Variants in ELP5 observed in about 807,000 individuals in gnomAD.
ELP5 encodes elongator complex protein 5.
ELP5 carries 34 observed loss-of-function variants against 33.4 expected under a neutral mutation model. That is an observed-to-expected ratio of 1.02 (90% CI 0.78 to 1.36). The LOEUF (loss-of-function observed/expected upper bound fraction) is 1.36. Among genes scored for constraint, ELP5 ranks in the 40% most tolerant of loss-of-function variants. The pLI, the probability that ELP5 is intolerant of heterozygous loss-of-function variation, is 0.00. For synonymous variants in ELP5, 161 were observed against 146.4 expected (o/e 1.10, Z -0.72); for missense variants, 373 against 371.7 (o/e 1.00, Z -0.03).
rs1387980655 is a variant in ELP5, at chr17:7,254,604, C to T, written c.210C>T (p.Phe70=). Residue 70 remains phenylalanine, a synonymous_variant, in exon 4 of 8, where the codon TTC becomes TTT. Coordinates refer to ENST00000396628, the MANE Select transcript of ELP5 (RefSeq NM_203414.3). ...INNRLVYHDF[F]RDPLNWSKTE... ...GCAGGCTGGTTTACCATGACTTCTT[C>T]AGAGACCCTCTCAACTGGTCAAAAA... The T allele has an allele frequency of 6.2e-7, 1 of 1,613,142 alleles. No individual in the cohort carries two copies. Among genetic ancestry groups the T allele is most frequent in the East Asian group, 2.2e-5 (1 of 44,856 alleles).
At position 7,252,298 on chromosome 17, in the gene ELP5, C is replaced by G. The variant is rs1013476903; in HGVS notation, c.-253C>G. 3.4e-6 allele frequency: 2 copies of G among 582,886 alleles called. No individual in the cohort carries two copies. The highest frequency in any genetic ancestry group is 6.2e-6 in the Non-Finnish European group (2 of 324,176). The allele number at this position is 582,886 out of a possible 1,614,324, so 36.1% of individuals were successfully genotyped here. A position where few individuals can be genotyped will look rare whatever the true frequency, so the allele number is the denominator to read the frequency against. On this transcript the variant is annotated 5_prime_UTR_variant, in exon 1 of 8. Transcript: ENST00000396628. ...TGACAACTGCCCCAACTGCTCTTCCCGCCCCGGTCACAGTGAAAATGTAGA... is the reference window on the plus strand; with the variant it reads ...TGACAACTGCCCCAACTGCTCTTCCGGCCCCGGTCACAGTGAAAATGTAGA...
intron 3 of ELP5, among the ~76,000 whole-genome samples, chr17:7,254,040 A>G (rs2072016031): frequency 2.2e-5 from 3 of 137,044 alleles, no homozygotes; most frequent in African/African-American, 8.4e-5. Flanking sequence ...AAGATAGAAA[A>G]GAGATATCTG....
chr17:7,254,862 C>A, intron 4 of ELP5, 59 bp downstream of exon 4: 1 of 1,460,332 alleles, frequency 6.8e-7, no homozygotes. Context: ...GGAGTGTGCC[C>A]CTTTTCCTTT....
In ELP5 at chr17:7,252,438, C is replaced by G; in HGVS notation, c.-113C>G. On this transcript the variant is annotated 5_prime_UTR_variant, in exon 1 of 8. Transcript: ENST00000396628. ...CCTCTCATTCCAGACTATGTTAGGT[C>G]TTAATGGTGGGAGGACGCCCGAGTG... 1 of 1,512,142 alleles carries G rather than the reference C, an allele frequency of 6.6e-7. No individual in the cohort carries two copies. Among genetic ancestry groups the G allele is most frequent in the Admixed American group, 1.8e-5 (1 of 54,734 alleles). The allele number at this position is 1,512,142 out of a possible 1,614,324, so 93.7% of individuals were successfully genotyped here.
intron 3 of ELP5, 102 bp from the exon 4 acceptor site, chr17:7,254,481 T>C (rs2072025913): frequency 7.8e-6 from 6 of 770,838 alleles, no homozygotes; most frequent in Non-Finnish European, 1.2e-5. Context: ...TTTAGGATAT[T>C]CATAAAAATT....
chr17:7,258,208 G>A (rs535106534), intron 5 of ELP5, among the ~76,000 whole-genome samples: 3 of 152,254 alleles, frequency 2.0e-5, no homozygotes, highest in African/African-American at 7.2e-5. Context: ...CAGCATTTTG[G>A]GAGGCCGAAG....
chr17:7,252,578 G>C lies in ELP5; in HGVS notation c.28G>C (p.Gly10Arg). Reference protein sequence around the residue: MLDSLLALGGLVLLRDSVEW... With the variant: MLDSLLALGRLVLLRDSVEW... ...GTTGGACTCGCTGTTGGCCTTGGGC[G>C]GCCTGGTGCTGCTTCGGGGTGAGAG... The change falls in exon 1 of 8, where the codon GGC becomes CGC. Residue 10 changes from glycine (G) to arginine (R), a missense_variant. Gly to Arg is a moderately radical substitution (Grantham distance 125, BLOSUM62 -2). Coordinates refer to ENST00000396628, the MANE Select transcript of ELP5 (RefSeq NM_203414.3). The C allele has an allele frequency of 6.2e-7, 1 of 1,613,190 alleles. No individual in the cohort carries two copies. Among genetic ancestry groups the C allele is most frequent in the Non-Finnish European group, 8.5e-7 (1 of 1,179,832 alleles).
At position 7,252,550 on chromosome 17, in the gene ELP5, G is replaced by A. The variant is rs139402582; in HGVS notation, c.-1G>A. The A allele has an allele frequency of 1.9e-6, 3 of 1,613,780 alleles. No homozygotes were observed. Among genetic ancestry groups the A allele is most frequent in the East Asian group, 2.2e-5 (1 of 44,870 alleles). On this transcript the variant is annotated 5_prime_UTR_variant, in exon 1 of 8. Transcript: ENST00000396628. Reference sequence around the variant, plus strand: ...GAGCAGGGACCGGACGCGAGTTGGAGATGTTGGACTCGCTGTTGGCCTTGG... The same window carrying A: ...GAGCAGGGACCGGACGCGAGTTGGAAATGTTGGACTCGCTGTTGGCCTTGG...
chr17:7,254,916 T>C, intron 4 of ELP5, 113 bp downstream of exon 4: 1 of 847,458 alleles, frequency 1.2e-6, no homozygotes. Context: ...AGACCTTTTT[T>C]CATTTTTTTG....
At chr17:7,257,502 C>G (rs1265978325) in intron 5 of ELP5, among the ~76,000 whole-genome samples, 1 of 149,000 alleles carries the variant, frequency 6.7e-6, no homozygotes, top group East Asian at 2.1e-4. Flanking sequence ...GCAATCATAA[C>G]TTACGGCAGC....
At chr17:7,253,969 C>G (rs1384453055) in intron 3 of ELP5, among the ~76,000 whole-genome samples, 2 of 151,304 alleles carry the variant, frequency 1.3e-5, no homozygotes, top group Non-Finnish European at 2.9e-5. Flanking sequence ...TGCACTCCAG[C>G]CTGGGCAACG....
At chr17:7,259,464 A>G (rs2072160847) in intron 7 of ELP5, 107 bp from the exon 8 acceptor site, 8 of 1,548,038 alleles carry the variant, frequency 5.2e-6, no homozygotes, top group Admixed American at 2.0e-5. Flanking sequence ...ATAAAATGAC[A>G]TGGAGGCCTA....
At chr17:7,259,374 G>C in intron 7 of ELP5, 197 bp from the exon 8 acceptor site, 4 of 1,412,840 alleles carry the variant, frequency 2.8e-6, no homozygotes, top group Non-Finnish European at 3.7e-6. Context: ...TTTATTAGGA[G>C]AGCAGTACAA....
rs1258355838 is a variant in ELP5 at position 7,252,312 on chromosome 17, T to TGAAAATGTAGACGG, written c.-237_-224dup. On this transcript the variant is annotated 5_prime_UTR_variant, in exon 1 of 8. The change creates a new upstream start codon in the 5' untranslated region. Coordinates refer to ENST00000396628, the MANE Select transcript of ELP5 (RefSeq NM_203414.3). Reference sequence around the variant, plus strand: ...ACTGCTCTTCCCGCCCCGGTCACAGTGAAAATGTAGACGGGGTCGTTGTCC... The same window carrying TGAAAATGTAGACGG: ...ACTGCTCTTCCCGCCCCGGTCACAGTGAAAATGTAGACGGGAAAATGTAGACGGGGTCGTTGTCC... The TGAAAATGTAGACGG allele has an allele frequency of 1.7e-6, 1 of 603,746 alleles. No homozygotes were observed. Among genetic ancestry groups the TGAAAATGTAGACGG allele is most frequent in the Non-Finnish European group, 3.0e-6 (1 of 338,040 alleles). The allele number at this position is 603,746 out of a possible 1,614,324, so 37.4% of individuals were successfully genotyped here.
chr17:7,254,011 A>G (rs1319923127), intron 3 of ELP5, among the ~76,000 whole-genome samples: 4 of 111,674 alleles, frequency 3.6e-5, no homozygotes, highest in South Asian at 3.0e-4. Flanking sequence ...AAAAAAAAAA[A>G]GCGGGCACTC....
Position 7,259,845 on chromosome 17 carries a change from A to C in ELP5, c.*160A>C. 3.1e-6 allele frequency: 4 copies of C among 1,311,162 alleles called. No homozygotes were observed. Among genetic ancestry groups the C allele is most frequent in the Non-Finnish European group, 4.1e-6 (4 of 971,770 alleles). 81.2% of individuals were successfully genotyped at this position (1,311,162 alleles called of 1,614,324 possible). Reference sequence around the variant, plus strand: ...CTTGTGAGCCAGGAAGCAGCGTCTCATCAGGACAGAAGGTAGGATGAAGAC... The same window carrying C: ...CTTGTGAGCCAGGAAGCAGCGTCTCCTCAGGACAGAAGGTAGGATGAAGAC... On this transcript the variant is annotated 3_prime_UTR_variant, in exon 8 of 8. Coordinates refer to ENST00000396628, the MANE Select transcript of ELP5 (RefSeq NM_203414.3).
Position 7,252,294 on chromosome 17 carries a change from T to A in ELP5, c.-257T>A, listed in dbSNP as rs1286555071. On this transcript the variant is annotated 5_prime_UTR_variant, in exon 1 of 8. Coordinates refer to ENST00000396628, the MANE Select transcript of ELP5 (RefSeq NM_203414.3). ...CCACTGACAACTGCCCCAACTGCTCTTCCCGCCCCGGTCACAGTGAAAATG... is the reference window on the plus strand; with the variant it reads ...CCACTGACAACTGCCCCAACTGCTCATCCCGCCCCGGTCACAGTGAAAATG... 3.5e-6 allele frequency: 2 copies of A among 576,098 alleles called. No individual in the cohort carries two copies. The highest frequency in any genetic ancestry group is 1.9e-5 in the African/African-American group (1 of 53,654). The allele number at this position is 576,098 out of a possible 1,614,324, so 35.7% of individuals were successfully genotyped here. A position where few individuals can be genotyped will look rare whatever the true frequency, so the allele number is the denominator to read the frequency against.
chr17:7,255,719 A>G (rs2072061030), intron 4 of ELP5, among the ~76,000 whole-genome samples: 1 of 152,288 alleles, frequency 6.6e-6, no homozygotes, highest in East Asian at 1.9e-4. Flanking sequence ...GGAAGGTACA[A>G]GGGAAGTATT....
intron 1 of ELP5, 36 bp from the exon 2 acceptor site, chr17:7,252,734 C>G (rs1197417008): frequency 9.3e-6 from 15 of 1,613,762 alleles, no homozygotes; most frequent in Non-Finnish European, 1.2e-5. Flanking sequence ...GTAATCCCAG[C>G]GCTCTCATAC....
Sources: allele counts gnomAD v4.1 joint callset (sites outside exome capture counted in the v4.1 genomes callset), GRCh38; gene constraint gnomAD v4.1.1; transcripts MANE v1.5; gene names NCBI Gene and HGNC (gene_info 2026-07-23, HGNC 2026-07-21).